Variants in HELLS observed in about 807,000 individuals in gnomAD.
The protein encoded by HELLS is lymphoid-specific helicase.
A neutral mutation model predicts 120.0 loss-of-function variants in HELLS; 32 were observed. The observed-to-expected ratio is 0.27, with a 90% CI of 0.20 to 0.36. The LOEUF (loss-of-function observed/expected upper bound fraction) is 0.36. Ranked by LOEUF, HELLS falls within the 10% of genes least tolerant of loss-of-function variation. HELLS has a pLI of 1.00. For missense variants in HELLS, 650 were observed against 993.4 expected (o/e 0.65, Z 4.65); for synonymous variants, 341 against 323.4 (o/e 1.05, Z -0.58).
intron 3 of HELLS, 105 bp downstream of exon 3, chr10:94,554,353 G>A (rs1340550515): frequency 2.6e-6 from 2 of 771,618 alleles, no homozygotes; most frequent in East Asian, 6.6e-5. Context: ...TTAAGTGTAC[G>A]GTTTGCTGAG....
At chr10:94,582,911 T>C in intron 11 of HELLS, 52 bp from the exon 12 acceptor site, 1 of 929,602 alleles carries the variant, frequency 1.1e-6, no homozygotes, top group African/African-American at 1.6e-5. Context: ...ATGTATCATG[T>C]TGACATAATT....
At chr10:94,575,900 C>G (rs111687490) in intron 9 of HELLS, among the ~76,000 whole-genome samples, 16 of 151,466 alleles carry the variant, frequency 1.1e-4, no homozygotes, top group Admixed American at 2.0e-4. Context: ...CGGGTTCAAG[C>G]GATTCTCCTG....
In HELLS at chr10:94,576,209, GC is replaced by G. The variant is rs1298981347; in HGVS notation, c.889-452del. Among the ~76,000 whole-genome samples, 3 of 152,208 alleles carry G rather than the reference GC, an allele frequency of 2.0e-5. No homozygotes were observed. The East Asian group carries it at 5.8e-4, about 29-fold the overall frequency. On this transcript the variant is annotated intron_variant, in intron 9 of 21. Coordinates refer to ENST00000348459, the MANE Select transcript of HELLS (RefSeq NM_018063.5). ...GCTCACTGTGGCCTTCACCTCCCAG[GC>G]TCATGTGAGCCTGCTATCTCACACG...
intron 15 of HELLS, among the ~76,000 whole-genome samples, chr10:94,591,576 C>G (rs1334134635): frequency 2.6e-5 from 4 of 152,182 alleles, no homozygotes; most frequent in African/African-American, 9.7e-5. Flanking sequence ...AGCAGCATCC[C>G]TGTCTTCTAC....
chr10:94,554,311 G>A, intron 3 of HELLS, 63 bp downstream of exon 3: 2 of 1,231,674 alleles, frequency 1.6e-6, no homozygotes, highest in Non-Finnish European at 2.2e-6. Context: ...CTTTATTGAA[G>A]TGTATATTAT....
At chr10:94,557,370 T>G (rs967419079) in intron 3 of HELLS, among the ~76,000 whole-genome samples, 4 of 152,238 alleles carry the variant, frequency 2.6e-5, no homozygotes, top group Non-Finnish European at 4.4e-5. Flanking sequence ...AATATTCAAC[T>G]TAATGAGTTA....
intron 12 of HELLS, among the ~76,000 whole-genome samples, chr10:94,584,487 A>C (rs1344628634): frequency 2.6e-5 from 4 of 152,150 alleles, no homozygotes; most frequent in Non-Finnish European, 4.4e-5. Flanking sequence ...TTATTGGAGT[A>C]AATGACTTAT....
chr10:94,564,717 C>T (rs796385164), intron 6 of HELLS, among the ~76,000 whole-genome samples: 2 of 152,000 alleles, frequency 1.3e-5, no homozygotes, highest in African/African-American at 4.8e-5. Context: ...CATATTCAAG[C>T]GATTCTTATG....
chr10:94,556,590 A>G (rs1843276172), intron 3 of HELLS, among the ~76,000 whole-genome samples: 1 of 152,136 alleles, frequency 6.6e-6, no homozygotes, highest in Non-Finnish European at 1.5e-5. Flanking sequence ...CTTTCTGCTT[A>G]TTTATAATTC....
At chr10:94,589,383 G>T (rs1845342009) in intron 13 of HELLS, among the ~76,000 whole-genome samples, 1 of 152,176 alleles carries the variant, frequency 6.6e-6, no homozygotes, top group African/African-American at 2.4e-5. Context: ...GAAAGGAAAT[G>T]CTTATTGGAG....
At chr10:94,584,900 C>T (rs540457118) in intron 12 of HELLS, among the ~76,000 whole-genome samples, 72 of 152,108 alleles carry the variant, frequency 4.7e-4, no homozygotes, top group African/African-American at 1.7e-3. Context: ...TAATACTGTG[C>T]TTAAATTTGA....
At chr10:94,548,421 G>T (rs1188441630) in intron 2 of HELLS, among the ~76,000 whole-genome samples, 1 of 152,108 alleles carries the variant, frequency 6.6e-6, no homozygotes, top group Non-Finnish European at 1.5e-5. Flanking sequence ...CATTATGAGT[G>T]TTGGGTAGGG....
At chr10:94,605,084 C>CCA (rs1554837219), downstream of HELLS, among the ~76,000 whole-genome samples, 15 of 104,230 alleles carry the variant, frequency 1.4e-4, 1 homozygote, top group Non-Finnish European at 3.0e-4. Context: ...CCCCCCCCCC[C>CCA]CTTTTTTTTT....
intron 6 of HELLS, 113 bp downstream of exon 6, chr10:94,562,989 G>A: frequency 4.5e-6 from 3 of 668,200 alleles, no homozygotes; most frequent in Non-Finnish European, 7.6e-6. Flanking sequence ...AATATGTTTT[G>A]AATTTAATAT....
At chr10:94,563,422 C>T (rs561376644) in intron 6 of HELLS, among the ~76,000 whole-genome samples, 1 of 152,184 alleles carries the variant, frequency 6.6e-6, no homozygotes, top group East Asian at 1.9e-4. Flanking sequence ...AGGCTTACAC[C>T]TTTAGGTTGT....
intron 10 of HELLS, among the ~76,000 whole-genome samples, chr10:94,580,132 TA>T (rs1189045460): frequency 1.9e-4 from 7 of 36,318 alleles, no homozygotes; most frequent in African/African-American, 1.5e-3. Flanking sequence ...TATATATATA[TA>T]TATATATATA....
chr10:94,600,490 G>C (rs1845981895), intron 21 of HELLS, among the ~76,000 whole-genome samples: 1 of 152,084 alleles, frequency 6.6e-6, no homozygotes, highest in African/African-American at 2.4e-5. Flanking sequence ...TGATATATTG[G>C]CTAGAAGTAC....
At chr10:94,598,136 A>C (rs1436484023) in intron 21 of HELLS, among the ~76,000 whole-genome samples, 1 of 152,114 alleles carries the variant, frequency 6.6e-6, no homozygotes, top group Non-Finnish European at 1.5e-5. Context: ...ACAACATATT[A>C]CTGTCGTCTA....
intron 8 of HELLS, 57 bp downstream of exon 8, chr10:94,574,244 T>C: frequency 2.7e-6 from 3 of 1,103,956 alleles, no homozygotes; most frequent in Admixed American, 3.9e-5. Flanking sequence ...AGTAGCCTAA[T>C]GATTTGAGGT....
Sources: gnomAD v4.1 joint callset for allele counts (sites outside exome capture counted in the v4.1 genomes callset) on GRCh38, gnomAD v4.1.1 for gene constraint, MANE v1.5 for transcripts, NCBI Gene and HGNC (gene_info 2026-07-23, HGNC 2026-07-21) for gene names.